The following TAF3 variants were observed in gnomAD, a reference collection of about 807,000 sequenced individuals.
TAF3 encodes the protein TATA-box binding protein associated factor 3.
Under a neutral mutation model 80.6 loss-of-function variants are expected in TAF3, and 7 were observed. That is an observed-to-expected ratio of 0.09 (90% CI 0.05 to 0.16). TAF3 has a LOEUF of 0.16. Among genes scored for constraint, TAF3 ranks in the 10% least tolerant of loss-of-function variants. The pLI is 1.00. For synonymous variants in TAF3, 444 were observed against 446.1 expected, an observed-to-expected ratio of 1.00 and a Z score of 0.06; for missense variants, 921 against 1,140.2, an observed-to-expected ratio of 0.81 and a Z score of 2.77.
intron 2 of TAF3, among the ~76,000 whole-genome samples, chr10:7,844,378 CTTT>C (rs370650612): frequency 2.2e-5 from 3 of 134,294 alleles, no homozygotes; most frequent in Admixed American, 7.9e-5. Flanking sequence ...TCTTCTTGTT[CTTT>C]TTTTTTTTTT....
chr10:7,963,935 A>G lies in TAF3; in HGVS notation c.425A>G (p.Gln142Arg). 1 of 1,583,618 alleles carries G rather than the reference A, an allele frequency of 6.3e-7. No homozygotes were observed. The highest frequency in any genetic ancestry group is 8.6e-7 in the Non-Finnish European group (1 of 1,168,030). Residue 142 changes from glutamine to arginine, a missense_variant, in exon 3 of 7, where the codon CAG becomes CGG. Coordinates refer to ENST00000344293, the MANE Select transcript of TAF3 (RefSeq NM_031923.4). The part of the protein sequence containing the change: ...VSSQEEEEEE[Q>R]VPTDGGTSAE... ...CCTTTACCAGAAGAAGAAGAAGAGC[A>G]GGTGCCCACTGATGGAGGCACATCA...
In TAF3 at chr10:7,868,422, G is replaced by T. The variant is rs561674952; in HGVS notation, c.409+43862G>T. Among the ~76,000 whole-genome samples the T allele has an allele frequency of 3.9e-5, 6 of 152,198 alleles. No individual in the cohort carries two copies. The South Asian group carries it at 1.2e-3, about 32-fold the overall frequency. ...CGGTCAAGTCTAGTGACCATCAGGA[G>T]TGGAGGCAGTGTGACATAGCAGCCA... On this transcript the variant is annotated intron_variant, in intron 2 of 6. Transcript: ENST00000344293.
chr10:7,868,415 A>G (rs1837235246), intron 2 of TAF3, among the ~76,000 whole-genome samples: 2 of 151,590 alleles, frequency 1.3e-5, no homozygotes, highest in Non-Finnish European at 2.9e-5. Flanking sequence ...TCTAGTGACC[A>G]TCAGGAGTGG....
At chr10:7,936,869 T>C (rs1388268404) in intron 2 of TAF3, among the ~76,000 whole-genome samples, 1 of 152,086 alleles carries the variant, frequency 6.6e-6, no homozygotes, top group Non-Finnish European at 1.5e-5. Flanking sequence ...TGGCATCCAT[T>C]GATTTTTTTT....
intron 2 of TAF3, among the ~76,000 whole-genome samples, chr10:7,942,071 G>A (rs573811103): frequency 5.3e-4 from 81 of 152,216 alleles, no homozygotes; most frequent in Middle Eastern, 3.4e-3. Context: ...CTCCACTTCA[G>A]TTATATCTCA....
chr10:7,929,754 G>A (rs1281987610), intron 2 of TAF3, among the ~76,000 whole-genome samples: 1 of 152,066 alleles, frequency 6.6e-6, no homozygotes, highest in Non-Finnish European at 1.5e-5. Flanking sequence ...ATAAGAATAT[G>A]GAGTACTCTT....
intron 2 of TAF3, among the ~76,000 whole-genome samples, chr10:7,853,084 C>T (rs922527735): frequency 2.0e-5 from 3 of 151,982 alleles, no homozygotes; most frequent in African/African-American, 7.3e-5. Context: ...TGGCTCATAC[C>T]CATTTTTGAG....
At chr10:7,950,407 T>C (rs1458215519) in intron 2 of TAF3, among the ~76,000 whole-genome samples, 1 of 152,128 alleles carries the variant, frequency 6.6e-6, no homozygotes, top group Non-Finnish European at 1.5e-5. Flanking sequence ...GAGCAGAAAG[T>C]TCCTCACGTG....
chr10:7,818,830 T>G lies in TAF3; in HGVS notation c.121T>G (p.Tyr41Asp). ...CCTCCTCACGGACGTGCTGCAGCGC[T>G]ATCTGCAGCAGCTGGGCCGGGGCTG... ...CHLLTDVLQR[Y>D]LQQLGRGCHR... Residue 41 changes from tyrosine (Y) to aspartate (D), a missense_variant, in exon 1 of 7, where the codon TAT becomes GAT. Coordinates refer to ENST00000344293, the MANE Select transcript of TAF3 (RefSeq NM_031923.4). 1 of 1,550,124 alleles carries G rather than the reference T, an allele frequency of 6.5e-7. No individual in the cohort carries two copies. The highest frequency in any genetic ancestry group is 1.1e-5 in the South Asian group (1 of 87,204).
At chr10:7,865,899 T>C (rs1175640397) in intron 2 of TAF3, among the ~76,000 whole-genome samples, 1 of 152,222 alleles carries the variant, frequency 6.6e-6, no homozygotes, top group Non-Finnish European at 1.5e-5. Flanking sequence ...CGTTGATTTA[T>C]GCAGAGAAAA....
rs1232302095 is a variant in TAF3 at position 7,818,593 on chromosome 10, G to C, written c.-117G>C. 1.7e-6 allele frequency: 2 copies of C among 1,209,732 alleles called. No homozygotes were observed. Among genetic ancestry groups the C allele is most frequent in the Admixed American group, 6.7e-5 (2 of 29,666 alleles). 74.9% of individuals were successfully genotyped at this position (1,209,732 alleles called of 1,614,324 possible). Reference sequence around the variant, plus strand: ...CTTTGAGGTGGTCGCCGGGGGTCCGGGGGACCCTTTCCCCGCCGCGGAAGC... The same window carrying C: ...CTTTGAGGTGGTCGCCGGGGGTCCGCGGGACCCTTTCCCCGCCGCGGAAGC... On this transcript the variant is annotated 5_prime_UTR_variant, in exon 1 of 7. Transcript: ENST00000344293.
chr10:7,979,531 C>T (rs1831705608), intron 4 of TAF3, among the ~76,000 whole-genome samples: 1 of 151,958 alleles, frequency 6.6e-6, no homozygotes, highest in African/African-American at 2.4e-5. Context: ...TCTAGTATCA[C>T]GGAAATTATA....
intron 3 of TAF3, among the ~76,000 whole-genome samples, chr10:7,969,619 A>C (rs888313829): frequency 6.6e-6 from 1 of 152,318 alleles, no homozygotes; most frequent in South Asian, 2.1e-4. Context: ...AATTTATGTT[A>C]GTGGAACTGG....
chr10:7,944,753 A>G (rs977538066), intron 2 of TAF3, among the ~76,000 whole-genome samples: 3 of 152,194 alleles, frequency 2.0e-5, no homozygotes, highest in Non-Finnish European at 4.4e-5. Context: ...AAAAGTGATT[A>G]TGGGAACTAG....
chr10:8,009,068 T>C lies in TAF3; in HGVS notation c.2316-10T>C, dbSNP rs1472976344. The C allele has an allele frequency of 5.0e-6, 8 of 1,596,732 alleles. No individual in the cohort carries two copies. The highest frequency in any genetic ancestry group is 6.8e-6 in the Non-Finnish European group (8 of 1,171,814). On this transcript the variant is annotated splice_polypyrimidine_tract_variant and intron_variant, in intron 4 of 6. Coordinates refer to ENST00000344293, the MANE Select transcript of TAF3 (RefSeq NM_031923.4). This position sits in a 1 kb window ranked among gnomAD's most constrained non-coding sequence, Gnocchi z 4.1. Reference sequence around the variant, plus strand: ...GTTTTGACTTTTACCTTCTCTTCTTTTGTTGACAGTGTCATCAGCAAGGTG... The same window carrying C: ...GTTTTGACTTTTACCTTCTCTTCTTCTGTTGACAGTGTCATCAGCAAGGTG...
intron 4 of TAF3, among the ~76,000 whole-genome samples, chr10:7,995,732 G>A (rs927772348): frequency 6.6e-6 from 1 of 152,166 alleles, no homozygotes; most frequent in Non-Finnish European, 1.5e-5. Context: ...GTTATGACAA[G>A]ATAAAATAAC....
At chr10:7,953,442 A>C (rs1047177521) in intron 2 of TAF3, among the ~76,000 whole-genome samples, 9 of 152,150 alleles carry the variant, frequency 5.9e-5, no homozygotes, top group Admixed American at 3.9e-4. Flanking sequence ...AAAGATCTTC[A>C]TCTCTTGGAG....
At position 7,935,146 on chromosome 10, in the gene TAF3, G is replaced by A. The variant is rs190448926; in HGVS notation, c.410-28774G>A. 2.2e-3 allele frequency among the ~76,000 whole-genome samples: 333 copies of A among 152,186 alleles called. 1 individual carries two copies. Among genetic ancestry groups the A allele is most frequent in the East Asian group, 5.4e-3 (28 of 5,162 alleles). ...ACAAAAATCAGCTGTGCGTGCTGGT[G>A]CGCGCCTGTAATCCCAGCTACTCAG... On this transcript the variant is annotated intron_variant, in intron 2 of 6. Coordinates refer to ENST00000344293, the MANE Select transcript of TAF3 (RefSeq NM_031923.4).
rs1227561403 is a variant in TAF3, at chr10:8,015,768, C to T, written c.*1017C>T. 3 of 151,832 alleles carry T rather than the reference C, an allele frequency of 2.0e-5. No individual in the cohort carries two copies. Among genetic ancestry groups the T allele is most frequent in the Non-Finnish European group, 2.9e-5 (2 of 67,996 alleles). 9.4% of individuals were successfully genotyped at this position (151,832 alleles called of 1,614,324 possible). A position where few individuals can be genotyped will look rare whatever the true frequency, so the allele number is the denominator to read the frequency against. On this transcript the variant is annotated 3_prime_UTR_variant, in exon 7 of 7. Transcript: ENST00000344293. ...GGCAATTTAAATTTAGAGTTTATGA[C>T]TTGAAGTTGTTTTGTTTGTTGTCTA...
Sources: allele counts gnomAD v4.1 joint callset (sites outside exome capture counted in the v4.1 genomes callset), GRCh38; gene constraint gnomAD v4.1.1; non-coding constraint Gnocchi (gnomAD v3.1); transcripts MANE v1.5; gene names NCBI Gene and HGNC (gene_info 2026-07-23, HGNC 2026-07-21).